AK7: variants seen among roughly 807,000 people sequenced by gnomAD.
The protein encoded by AK7 is ATP-AMP transphosphorylase 7.
AK7 carries 78 observed loss-of-function variants against 96.6 expected under a neutral mutation model. The ratio of observed to expected loss-of-function variants is 0.81; its 90% confidence interval spans 0.67 to 0.97. AK7 has a LOEUF of 0.97. AK7 is among the 50% of genes least tolerant of loss of function. The pLI is 0.00. For synonymous variants in AK7, 302 were observed against 317.2 expected (o/e 0.95, Z 0.51); for missense variants, 855 against 887.9 (o/e 0.96, Z 0.47).
intron 12 of AK7, among the ~76,000 whole-genome samples, chr14:96,462,866 G>A (rs1247779426): frequency 6.6e-6 from 1 of 152,088 alleles, no homozygotes; most frequent in African/African-American, 2.4e-5. Flanking sequence ...GGCCAGGCTT[G>A]GTGGCTCATG....
At chr14:96,482,039 G>T (rs1895532428) in intron 15 of AK7, among the ~76,000 whole-genome samples, 1 of 152,116 alleles carries the variant, frequency 6.6e-6, no homozygotes, top group Non-Finnish European at 1.5e-5. Context: ...ACCAACCAGT[G>T]CACTGGCTCT....
At chr14:96,460,928 C>G (rs889841903) in intron 12 of AK7, among the ~76,000 whole-genome samples, 2 of 152,206 alleles carry the variant, frequency 1.3e-5, no homozygotes, top group Admixed American at 1.3e-4. Context: ...CCAGATCAAC[C>G]TAGTTTTCTG....
chr14:96,439,326 A>G (rs1595414714), intron 6 of AK7, among the ~76,000 whole-genome samples: 2 of 152,108 alleles, frequency 1.3e-5, no homozygotes, highest in Non-Finnish European at 2.9e-5. Flanking sequence ...GGAGGTTGAG[A>G]AGGGTGGGCA....
intron 7 of AK7, among the ~76,000 whole-genome samples, chr14:96,445,942 C>T (rs1893207896): frequency 6.6e-6 from 1 of 152,176 alleles, no homozygotes; most frequent in African/African-American, 2.4e-5. Context: ...CATGCTAGGG[C>T]TGTGAAAATT....
chr14:96,468,296 CTTTTTTT>C (rs67009492), intron 12 of AK7, among the ~76,000 whole-genome samples: 1 of 98,554 alleles, frequency 1.0e-5, no homozygotes, highest in African/African-American at 3.8e-5. Context: ...GCACTCTTTC[CTTTTTTT>C]TTTTTTTTTT....
At chr14:96,467,466 G>T (rs193144147) in intron 12 of AK7, among the ~76,000 whole-genome samples, 2 of 151,912 alleles carry the variant, frequency 1.3e-5, no homozygotes, top group African/African-American at 2.4e-5. Flanking sequence ...CTCCCGAGTC[G>T]CTGGGACTAC....
intron 15 of AK7, among the ~76,000 whole-genome samples, chr14:96,482,748 C>A (rs756789962): frequency 1.3e-5 from 2 of 152,156 alleles, no homozygotes; most frequent in Non-Finnish European, 2.9e-5. Flanking sequence ...CCCCATTCAA[C>A]CACTCAAATC....
intron 5 of AK7, among the ~76,000 whole-genome samples, chr14:96,436,629 G>A (rs1892650008): frequency 6.6e-6 from 1 of 152,108 alleles, no homozygotes; most frequent in South Asian, 2.1e-4. Context: ...TGGGCAACAA[G>A]TGAAACTCTG....
Position 96,489,034 on chromosome 14 carries a change from A to G in AK7, c.*691A>G, listed in dbSNP as rs1895928835. The stretch of plus-strand genomic sequence containing the variant: ...AACATAGGCATAAGTTATCAATCCT[A>G]TAGTCTTTTCCAGTTCTAAAAATCC... On this transcript the variant is annotated 3_prime_UTR_variant, in exon 18 of 18. Coordinates refer to ENST00000267584, the MANE Select transcript of AK7 (RefSeq NM_152327.5). 2 of 152,182 alleles carry G rather than the reference A, an allele frequency of 1.3e-5. No individual in the cohort carries two copies. Among genetic ancestry groups the G allele is most frequent in the South Asian group, 4.1e-4 (2 of 4,830 alleles). 9.4% of individuals were successfully genotyped at this position (152,182 alleles called of 1,614,324 possible).
chr14:96,396,561 C>A (rs926274478), intron 1 of AK7, among the ~76,000 whole-genome samples: 6 of 152,156 alleles, frequency 3.9e-5, no homozygotes, highest in Non-Finnish European at 1.5e-5. Context: ...ATCTTGCATG[C>A]TAACCTGGAC....
At position 96,442,744 on chromosome 14, in the gene AK7, C is replaced by T. The variant is rs762525188; in HGVS notation, c.705C>T (p.Gly235=). ...LHTFFKMAWL[G]EIPALPVFGD... ...CTTCCTTTCAGATGGCTTGGTTGGGCGAGATTCCTGCATTACCAGTTTTTG... is the reference window on the plus strand; with the variant it reads ...CTTCCTTTCAGATGGCTTGGTTGGGTGAGATTCCTGCATTACCAGTTTTTG... The change falls in exon 7 of 18, where the codon GGC becomes GGT. Residue 235 remains glycine, a synonymous_variant. Transcript: ENST00000267584. The T allele has an allele frequency of 4.5e-5, 72 of 1,613,966 alleles. No individual in the cohort carries two copies. The highest frequency in any genetic ancestry group is 5.0e-5 in the Admixed American group (3 of 59,994).
intron 4 of AK7, among the ~76,000 whole-genome samples, chr14:96,416,141 T>C (rs1274180626): frequency 6.6e-6 from 1 of 152,050 alleles, no homozygotes; most frequent in Non-Finnish European, 1.5e-5. Flanking sequence ...CCTAGCACAT[T>C]GGGAAGCCGA....
chr14:96,474,791 G>A (rs1895086781), intron 14 of AK7, among the ~76,000 whole-genome samples: 1 of 152,172 alleles, frequency 6.6e-6, no homozygotes, highest in Non-Finnish European at 1.5e-5. Context: ...ATAACATCCA[G>A]GCAGCTGGAT....
At position 96,488,824 on chromosome 14, in the gene AK7, C is replaced by CTTTTT. The variant is rs11361139; in HGVS notation, c.*496_*500dup. ...GACAAGATTGGTGCCTGTAAGGTGGCTTTTTTTTTTTTTTTTTTTAAATGA... is the reference window on the plus strand; with the variant it reads ...GACAAGATTGGTGCCTGTAAGGTGGCTTTTTTTTTTTTTTTTTTTTTTTTAAATGA... On this transcript the variant is annotated 3_prime_UTR_variant, in exon 18 of 18. Coordinates refer to ENST00000267584, the MANE Select transcript of AK7 (RefSeq NM_152327.5). 1.6e-5 allele frequency: 2 copies of CTTTTT among 127,786 alleles called. No homozygotes were observed. The highest frequency in any genetic ancestry group is 2.9e-5 in the African/African-American group (1 of 34,254). 7.9% of individuals were successfully genotyped at this position (127,786 alleles called of 1,614,324 possible). A position where few individuals can be genotyped will look rare whatever the true frequency, so the allele number is the denominator to read the frequency against.
intron 11 of AK7, 105 bp downstream of exon 11, chr14:96,456,580 A>G (rs568800710): frequency 1.5e-5 from 21 of 1,364,032 alleles, no homozygotes; most frequent in Non-Finnish European, 2.0e-5. Flanking sequence ...TGCAGTTTAG[A>G]TGATCCCAAT....
chr14:96,396,727 T>C (rs1164530132), intron 1 of AK7, among the ~76,000 whole-genome samples: 2 of 152,346 alleles, frequency 1.3e-5, no homozygotes, highest in Non-Finnish European at 2.9e-5. Flanking sequence ...AGTATTGACA[T>C]ATAAACGAAT....
chr14:96,423,832 G>A (rs182789788), intron 5 of AK7: 11 of 785,672 alleles, frequency 1.4e-5, no homozygotes, highest in African/African-American at 1.0e-4. Context: ...GGTGGTCTCC[G>A]GAGCGGTTGC....
Position 96,392,188 on chromosome 14 carries a change from G to C in AK7, c.34G>C (p.Glu12Gln). ...AEEEETAALT[E>Q]KVIRTQRVFI... ...AGAAGAGGAAACTGCTGCTCTCACGGAGAAGGTTATCCGGACCCAGAGGGT... is the reference window on the plus strand; with the variant it reads ...AGAAGAGGAAACTGCTGCTCTCACGCAGAAGGTTATCCGGACCCAGAGGGT... The change falls in exon 1 of 18, where the codon GAG becomes CAG. Residue 12 changes from glutamate to glutamine, a missense_variant. Glu to Gln is a conservative substitution (Grantham distance 29). Transcript: ENST00000267584. The C allele has an allele frequency of 6.2e-7, 1 of 1,613,740 alleles. No homozygotes were observed. The highest frequency in any genetic ancestry group is 8.5e-7 in the Non-Finnish European group (1 of 1,179,654).
At chr14:96,437,008 T>C (rs1177476756) in intron 5 of AK7, among the ~76,000 whole-genome samples, 2 of 140,732 alleles carry the variant, frequency 1.4e-5, no homozygotes, top group African/African-American at 5.4e-5. Context: ...ATAATAAAGA[T>C]GGTATTTTGA....
Sources: gnomAD v4.1 joint callset for allele counts (sites outside exome capture counted in the v4.1 genomes callset) on GRCh38, gnomAD v4.1.1 for gene constraint, MANE v1.5 for transcripts, NCBI Gene and HGNC (gene_info 2026-07-23, HGNC 2026-07-21) for gene names.